Variants in TMTC4 observed in about 807,000 individuals in gnomAD.
TMTC4 encodes the protein transmembrane O-mannosyltransferase targeting cadherins 4.
TMTC4 carries 65 observed loss-of-function variants against 86.0 expected under a neutral mutation model. That is an observed-to-expected ratio of 0.76 (90% confidence interval 0.62 to 0.93). The LOEUF is 0.93. Ranked by LOEUF, TMTC4 falls within the 40% of genes least tolerant of loss-of-function variation. TMTC4 has a pLI of 0.00. For synonymous variants in TMTC4, 379 were observed against 382.5 expected (o/e 0.99, Z 0.11); for missense variants, 866 against 948.1 (o/e 0.91, Z 1.14).
chr13:100,637,484 G>C, intron 9 of TMTC4, 54 bp downstream of exon 9: 16 of 1,562,518 alleles, frequency 1.0e-5, no homozygotes, highest in Non-Finnish European at 1.2e-5. Flanking sequence ...TGAGGGATCT[G>C]GGAATCTGGT....
chr13:100,612,584 C>A (rs1458330392), intron 16 of TMTC4, 74 bp from the exon 17 acceptor site: 4 of 1,125,046 alleles, frequency 3.6e-6, no homozygotes, highest in Non-Finnish European at 5.3e-6. Context: ...CTATAACTAA[C>A]AGGGTTTATG....
At chr13:100,611,602 TAAAAA>T in intron 17 of TMTC4, among the ~76,000 whole-genome samples, 1 of 151,756 alleles carries the variant, frequency 6.6e-6, no homozygotes, top group Non-Finnish European at 1.5e-5. Flanking sequence ...ACAAAAAAAA[TAAAAA>T]AACAACAAAA....
At chr13:100,674,064 G>A (rs1317773581) in intron 1 of TMTC4, 6 of 985,062 alleles carry the variant, frequency 6.1e-6, no homozygotes, top group Non-Finnish European at 6.0e-6. Context: ...ACATCAACAA[G>A]ACCAGAAGCC....
intron 12 of TMTC4, among the ~76,000 whole-genome samples, chr13:100,633,000 A>G (rs957586543): frequency 5.9e-5 from 9 of 152,116 alleles, no homozygotes; most frequent in Non-Finnish European, 1.0e-4. Flanking sequence ...GCAAAACCCA[A>G]ACTGAAATGA....
chr13:100,637,942 G>C lies in TMTC4; in HGVS notation c.822C>G (p.Asp274Glu). Residue 274 changes from aspartate (D) to glutamate (E), a missense_variant, in exon 8 of 19, where the codon GAC becomes GAG. Transcript: ENST00000342624. ...LEIVQKVLHK[D>E]KSLENLGMLR... ...AGTACAGACTCACCTCTAATGACTT[G>C]TCCTTATGTAGTACCTTCTGGACAA... 1 of 1,613,318 alleles carries C rather than the reference G, an allele frequency of 6.2e-7. No individual in the cohort carries two copies. The highest frequency in any genetic ancestry group is 2.2e-5 in the East Asian group (1 of 44,862).
intron 1 of TMTC4, among the ~76,000 whole-genome samples, chr13:100,671,295 G>C (rs533073609): frequency 3.7e-4 from 57 of 152,122 alleles, no homozygotes; most frequent in Admixed American, 1.4e-3. Context: ...ACTGAGCCTG[G>C]ATATTATCTG....
chr13:100,667,628 G>A (rs573520976), intron 3 of TMTC4, among the ~76,000 whole-genome samples: 2 of 152,018 alleles, frequency 1.3e-5, no homozygotes, highest in South Asian at 4.2e-4. Flanking sequence ...TACTTATTTG[G>A]TAGAATCCAT....
chr13:100,651,065 T>C (rs1359158905), intron 6 of TMTC4, among the ~76,000 whole-genome samples: 2 of 152,232 alleles, frequency 1.3e-5, no homozygotes, highest in South Asian at 2.1e-4. Flanking sequence ...AGTAAGAATT[T>C]AGAACTTAAA....
chr13:100,647,647 C>T (rs1883927390), intron 6 of TMTC4, among the ~76,000 whole-genome samples: 1 of 152,144 alleles, frequency 6.6e-6, no homozygotes, highest in African/African-American at 2.4e-5. Context: ...CCCCCATGGA[C>T]TTTGAAAAGA....
At chr13:100,636,063 A>G (rs896761248) in intron 10 of TMTC4, among the ~76,000 whole-genome samples, 6 of 152,034 alleles carry the variant, frequency 3.9e-5, no homozygotes, top group Non-Finnish European at 5.9e-5. Context: ...TTCCCCAATT[A>G]TTTTCTCAAT....
intron 6 of TMTC4, among the ~76,000 whole-genome samples, chr13:100,656,019 G>T (rs1048313609): frequency 6.6e-6 from 1 of 152,194 alleles, no homozygotes; most frequent in African/African-American, 2.4e-5. Context: ...TGAAAGGATA[G>T]CTGGGCAATA....
In TMTC4 at chr13:100,634,803, A is replaced by G; in HGVS notation, c.1506+2T>C. 6.2e-7 allele frequency: 1 copy of G among 1,612,970 alleles called. No individual in the cohort carries two copies. The highest frequency in any genetic ancestry group is 8.5e-7 in the Non-Finnish European group (1 of 1,179,628). On this transcript the variant is annotated splice_donor_variant, in intron 12 of 18. Coordinates refer to ENST00000342624, the MANE Select transcript of TMTC4 (RefSeq NM_032813.5). LOFTEE classifies it high-confidence loss of function. ...TTTAAAAGAAATCTGGCAGCTAGGT[A>G]CCTTAGCATTGAGGGGACACACAGA...
chr13:100,660,774 C>T (rs1215714445), intron 5 of TMTC4, among the ~76,000 whole-genome samples: 2 of 152,082 alleles, frequency 1.3e-5, no homozygotes, highest in Non-Finnish European at 2.9e-5. Flanking sequence ...CTGCCTCACC[C>T]TCCTGAGTAG....
chr13:100,631,711 T>C (rs1303960029), intron 12 of TMTC4, among the ~76,000 whole-genome samples: 2 of 152,182 alleles, frequency 1.3e-5, no homozygotes, highest in African/African-American at 4.8e-5. Context: ...GCCAATTTCT[T>C]ACTTTATATT....
chr13:100,617,830 T>C (rs1878753787), intron 15 of TMTC4, among the ~76,000 whole-genome samples: 1 of 152,230 alleles, frequency 6.6e-6, no homozygotes, highest in African/African-American at 2.4e-5. Flanking sequence ...TCTTTTTTGG[T>C]TCAATATGAA....
intron 12 of TMTC4, among the ~76,000 whole-genome samples, chr13:100,633,014 T>C (rs973980965): frequency 1.3e-5 from 2 of 152,136 alleles, no homozygotes; most frequent in Non-Finnish European, 2.9e-5. Flanking sequence ...GAAATGAACC[T>C]ACAAAAGCTA....
intron 12 of TMTC4, among the ~76,000 whole-genome samples, chr13:100,627,857 G>C (rs1052773042): frequency 6.6e-6 from 1 of 152,070 alleles, no homozygotes; most frequent in African/African-American, 2.4e-5. Context: ...AGATGTGAGT[G>C]GGGGAGAAGC....
intron 5 of TMTC4, among the ~76,000 whole-genome samples, chr13:100,659,074 C>CAA (rs1177840702): frequency 2.0e-5 from 3 of 152,142 alleles, no homozygotes; most frequent in Non-Finnish European, 4.4e-5. Flanking sequence ...GTGAAACACT[C>CAA]AGAGTTTTCT....
chr13:100,612,694 C>T (rs888894219), intron 16 of TMTC4, among the ~76,000 whole-genome samples, 184 bp from the exon 17 acceptor site: 28 of 143,824 alleles, frequency 1.9e-4, no homozygotes, highest in African/African-American at 6.1e-4. Context: ...CACACACACA[C>T]GACGTTATCA....
Sources: gnomAD v4.1 joint callset for allele counts (sites outside exome capture counted in the v4.1 genomes callset) on GRCh38, gnomAD v4.1.1 for gene constraint, MANE v1.5 for transcripts, NCBI Gene and HGNC (gene_info 2026-07-23, HGNC 2026-07-21) for gene names.